Variants in KCNT2 observed in about 807,000 individuals in gnomAD.
The protein encoded by KCNT2 is potassium channel subfamily T member 2.
KCNT2 carries 67 observed loss-of-function variants against 153.8 expected under a neutral mutation model. The observed-to-expected ratio is 0.44, with a 90% CI of 0.36 to 0.53. KCNT2 has a LOEUF of 0.53. Among genes scored for constraint, KCNT2 ranks in the 20% least tolerant of loss-of-function variants. The pLI, the probability that KCNT2 is intolerant of heterozygous loss-of-function variation, is 0.00. For missense variants in KCNT2, 975 were observed against 1,354.8 expected (o/e 0.72, Z 4.40); for synonymous variants, 500 against 458.8 (o/e 1.09, Z -1.15).
At chr1:196,453,581 G>C (rs1676403330) in intron 8 of KCNT2, among the ~76,000 whole-genome samples, 1 of 151,866 alleles carries the variant, frequency 6.6e-6, no homozygotes, top group African/African-American at 2.4e-5. Flanking sequence ...TTCTCAGATT[G>C]TTGTTTTAAT....
At chr1:196,287,537 T>G (rs992787102) in intron 22 of KCNT2, among the ~76,000 whole-genome samples, 3 of 152,134 alleles carry the variant, frequency 2.0e-5, no homozygotes, top group Non-Finnish European at 4.4e-5. Flanking sequence ...CAGAACAGTT[T>G]TTTAACCTAC....
chr1:196,437,960 C>G (rs934390479), intron 8 of KCNT2, among the ~76,000 whole-genome samples: 1 of 151,372 alleles, frequency 6.6e-6, no homozygotes, highest in Admixed American at 6.6e-5. Context: ...TTTACTATTA[C>G]TAATAATATC....
At chr1:196,240,084 T>A (rs1654812172) in intron 26 of KCNT2, among the ~76,000 whole-genome samples, 1 of 145,650 alleles carries the variant, frequency 6.9e-6, no homozygotes, top group South Asian at 2.1e-4. Flanking sequence ...CTCTGTGGTA[T>A]TTTTTTATGG....
At chr1:196,401,719 T>C (rs1358864308) in intron 12 of KCNT2, among the ~76,000 whole-genome samples, 1 of 151,624 alleles carries the variant, frequency 6.6e-6, no homozygotes, top group East Asian at 2.0e-4. Flanking sequence ...TCTTACATAA[T>C]ATAATTGAAT....
In KCNT2 at chr1:196,570,440, G is replaced by C. The variant is rs17654448; in HGVS notation, c.95+37775C>G. Among the ~76,000 whole-genome samples the C allele has an allele frequency of 6.3e-3, 963 of 152,192 alleles. 7 individuals carry two copies. Among genetic ancestry groups the C allele is most frequent in the Non-Finnish European group, 0.01 (689 of 67,946 alleles). ...GAAAATGTGCAAAGGAAGAGAGTTA[G>C]ACATACTTGTGGGAACCTCATCCCA... On this transcript the variant is annotated intron_variant, in intron 1 of 27. Transcript: ENST00000294725.
intron 1 of KCNT2, among the ~76,000 whole-genome samples, chr1:196,592,006 TA>T (rs570016201): frequency 1.0e-3 from 152 of 152,230 alleles, no homozygotes; most frequent in African/African-American, 3.4e-3. Context: ...GCTTCAAGTG[TA>T]AAGAGATGTA....
chr1:196,519,715 C>A (rs959107270), intron 1 of KCNT2, among the ~76,000 whole-genome samples: 3 of 152,030 alleles, frequency 2.0e-5, no homozygotes, highest in Non-Finnish European at 4.4e-5. Context: ...AATTCCTGAA[C>A]ACATACACCC....
intron 13 of KCNT2, among the ~76,000 whole-genome samples, chr1:196,390,583 T>G (rs185544214): frequency 2.3e-4 from 35 of 151,202 alleles, no homozygotes; most frequent in African/African-American, 7.7e-4. Context: ...TCCTATGAGG[T>G]TTTTTTTGTC....
intron 1 of KCNT2, among the ~76,000 whole-genome samples, chr1:196,522,573 C>G (rs1245449692): frequency 2.0e-5 from 3 of 152,180 alleles, no homozygotes; most frequent in South Asian, 2.1e-4. Flanking sequence ...GCTACTCATA[C>G]TAGTGAGAGG....
chr1:196,354,965 GC>G (rs1454691734), intron 14 of KCNT2, among the ~76,000 whole-genome samples: 1 of 151,656 alleles, frequency 6.6e-6, no homozygotes. Flanking sequence ...CCACAGTTTA[GC>G]CACTGTAGGT....
At chr1:196,602,863 T>C (rs1664900705) in intron 1 of KCNT2, among the ~76,000 whole-genome samples, 2 of 132,096 alleles carry the variant, frequency 1.5e-5, no homozygotes, top group African/African-American at 2.9e-5. Flanking sequence ...CTCGGCTCAC[T>C]GCAAGCTCCG....
chr1:196,287,456 C>G (rs1185389201), intron 22 of KCNT2, among the ~76,000 whole-genome samples: 1 of 151,928 alleles, frequency 6.6e-6, no homozygotes, highest in Non-Finnish European at 1.5e-5. Context: ...AACAAACAAA[C>G]AAACAAACAA....
chr1:196,447,898 G>C (rs1429173355), intron 8 of KCNT2, among the ~76,000 whole-genome samples: 1 of 151,090 alleles, frequency 6.6e-6, no homozygotes, highest in South Asian at 2.1e-4. Flanking sequence ...ACCGAGAGCA[G>C]GAAGAGCCTT....
At chr1:196,455,895 A>G (rs1676629019) in intron 8 of KCNT2, among the ~76,000 whole-genome samples, 1 of 152,012 alleles carries the variant, frequency 6.6e-6, no homozygotes. Flanking sequence ...GTAGATGGAG[A>G]GGCCTCAGCC....
intron 18 of KCNT2, among the ~76,000 whole-genome samples, chr1:196,328,924 T>C (rs1664160951): frequency 6.6e-6 from 1 of 151,980 alleles, no homozygotes; most frequent in Non-Finnish European, 1.5e-5. Context: ...GAATCTGAAG[T>C]AATATAAGAA....
intron 1 of KCNT2, among the ~76,000 whole-genome samples, chr1:196,527,188 A>G (rs1233595576): frequency 6.6e-6 from 1 of 152,194 alleles, no homozygotes; most frequent in African/African-American, 2.4e-5. Flanking sequence ...CCACTGTTCT[A>G]TAGGATATCT....
At position 196,258,363 on chromosome 1, in the gene KCNT2, G is replaced by A; in HGVS notation, c.3042C>T (p.Ser1014=). 6.2e-7 allele frequency: 1 copy of A among 1,614,024 alleles called. No homozygotes were observed. ...QSDHPLLRRK[S]MQWARRLSRK... ...TGCTCAGTCTTCGGGCCCACTGCAT[G>A]CTTTTTCTCCGCAGCAAGGGATGGT... The change falls in exon 26 of 28, where the codon AGC becomes AGT. Residue 1014 remains serine, a synonymous_variant. Coordinates refer to ENST00000294725, the MANE Select transcript of KCNT2 (RefSeq NM_198503.5).
intron 1 of KCNT2, among the ~76,000 whole-genome samples, chr1:196,538,096 G>A (rs1368932105): frequency 2.6e-5 from 4 of 151,970 alleles, no homozygotes; most frequent in Non-Finnish European, 5.9e-5. Flanking sequence ...GACTGGGTGT[G>A]TACTTCTCCT....
intron 25 of KCNT2, among the ~76,000 whole-genome samples, chr1:196,271,443 C>G (rs979274341): frequency 6.6e-6 from 1 of 151,936 alleles, no homozygotes; most frequent in Non-Finnish European, 1.5e-5. Flanking sequence ...GTTAAGTGGA[C>G]AGAAAGCCAT....
Sources: allele counts gnomAD v4.1 joint callset (sites outside exome capture counted in the v4.1 genomes callset), GRCh38; gene constraint gnomAD v4.1.1; transcripts MANE v1.5; gene names NCBI Gene and HGNC (gene_info 2026-07-23, HGNC 2026-07-21).